Variants in GOLGA2 observed in about 807,000 individuals in gnomAD.
GOLGA2 encodes golgin subfamily A member 2.
Under a neutral mutation model 148.8 loss-of-function variants are expected in GOLGA2, and 49 were observed. That is an observed-to-expected ratio of 0.33 (90% CI 0.26 to 0.42). GOLGA2 has a LOEUF of 0.42. GOLGA2 is among the 10% of genes least tolerant of loss of function. The probability of loss-of-function intolerance (pLI) is 1.00; values close to 1 mark genes in which losing one functional copy is unlikely to be tolerated. For synonymous variants in GOLGA2, 501 were observed against 511.8 expected (o/e 0.98, Z 0.28); for missense variants, 1,178 against 1,304.6 (o/e 0.90, Z 1.49).
chr9:128,259,039 G>T lies in GOLGA2; in HGVS notation c.2141C>A (p.Ala714Asp), dbSNP rs2131335539. Residue 714 changes from alanine (A) to aspartate (D), a missense_variant, in exon 21 of 27, where the codon GCC (alanine) becomes GAC (aspartate). By Grantham distance (126) the Ala-to-Asp change is moderately radical. Around this residue, in one of 5 missense-constraint regions of GOLGA2, gnomAD observed 529 missense variants for 521.8 expected, o/e 1.01. Coordinates refer to ENST00000611957, the MANE Select transcript of GOLGA2 (RefSeq NM_001366244.2). ...AATQQNQQLR[A>D]QLSLMAHPGE... ...AGGGTGAGCCATGAGGCTCAACTGG[G>T]CCCGTAGCTGCTGATTCTGCTGGGT... 6.2e-7 allele frequency: 1 copy of T among 1,609,846 alleles called. No homozygotes were observed.
chr9:128,273,690 C>T (rs981770539), intron 2 of GOLGA2, 160 bp downstream of exon 2: 2 of 858,204 alleles, frequency 2.3e-6, no homozygotes, highest in Non-Finnish European at 3.6e-6. Context: ...CCAAAAAGCT[C>T]AAGCAATTTG....
In GOLGA2 at chr9:128,260,986, T is replaced by TC. The variant is rs1405612799; in HGVS notation, c.1420+185dup. On this transcript the variant is annotated intron_variant, in intron 17 of 26. Transcript: ENST00000611957. The surrounding 1 kb of genome is among the most constrained non-coding windows in gnomAD (Gnocchi z 4.8). Reference sequence around the variant, plus strand: ...ACTGTGGGTGGCTGACAACGGGCACTCCTTCGTCTTTGCTGATGGGGCACT... The same window carrying TC: ...ACTGTGGGTGGCTGACAACGGGCACTCCCTTCGTCTTTGCTGATGGGGCACT... 2.9e-5 allele frequency: 19 copies of TC among 661,808 alleles called. No homozygotes were observed. The South Asian group carries it at 3.1e-4, about 11-fold the overall frequency. 41.0% of individuals were successfully genotyped at this position (661,808 alleles called of 1,614,324 possible). A position where few individuals can be genotyped will look rare whatever the true frequency, so the allele number is the denominator to read the frequency against.
chr9:128,267,347 G>A lies in GOLGA2; in HGVS notation c.562-73C>T, dbSNP rs1830653604. The A allele has an allele frequency of 5.1e-6, 7 of 1,380,846 alleles. No homozygotes were observed. The East Asian group carries it at 1.6e-4, about 32-fold the overall frequency. 85.5% of individuals were successfully genotyped at this position (1,380,846 alleles called of 1,614,324 possible). On this transcript the variant is annotated intron_variant, in intron 7 of 26. Transcript: ENST00000611957. Reference sequence around the variant, plus strand: ...GGTAGAGAGAGCAATCATTAGGGTTGGGGGGTGTGTGGGCTGTCTCAGCTG... The same window carrying A: ...GGTAGAGAGAGCAATCATTAGGGTTAGGGGGTGTGTGGGCTGTCTCAGCTG...
chr9:128,263,975 T>G, intron 12 of GOLGA2, among the ~76,000 whole-genome samples: 1 of 139,212 alleles, frequency 7.2e-6, no homozygotes. Flanking sequence ...GCTAACACGG[T>G]GAAACCCCAT....
chr9:128,259,188 G>A lies in GOLGA2; in HGVS notation c.2076C>T (p.Arg692=), dbSNP rs1830096432. ...AQGKAVAEMA[R]QELQETQERL... Reference sequence around the variant, plus strand: ...TCACCTGGGTTTCCTGCAACTCTTGGCGGGCCATCTCGGCCACCGCTTTGC... The same window carrying A: ...TCACCTGGGTTTCCTGCAACTCTTGACGGGCCATCTCGGCCACCGCTTTGC... The change falls in exon 20 of 27, where the codon CGC becomes CGT. Residue 692 remains arginine (R), a synonymous_variant. Transcript: ENST00000611957. The A allele has an allele frequency of 6.3e-7, 1 of 1,590,856 alleles. No individual in the cohort carries two copies. Among genetic ancestry groups the A allele is most frequent in the African/African-American group, 1.3e-5 (1 of 74,606 alleles).
In GOLGA2 at chr9:128,260,988, C is replaced by T; in HGVS notation, c.1420+184G>A. ...TGTGGGTGGCTGACAACGGGCACTCCTTCGTCTTTGCTGATGGGGCACTGA... is the reference window on the plus strand; with the variant it reads ...TGTGGGTGGCTGACAACGGGCACTCTTTCGTCTTTGCTGATGGGGCACTGA... On this transcript the variant is annotated intron_variant, in intron 17 of 26. Transcript: ENST00000611957. This position sits in a 1 kb window ranked among gnomAD's most constrained non-coding sequence, Gnocchi z 4.8. 4.5e-6 allele frequency: 3 copies of T among 666,222 alleles called. No homozygotes were observed. The South Asian group carries it at 5.5e-5, about 12-fold the overall frequency. The allele number at this position is 666,222 out of a possible 1,614,324, so 41.3% of individuals were successfully genotyped here. A position where few individuals can be genotyped will look rare whatever the true frequency, so the allele number is the denominator to read the frequency against.
At chr9:128,268,254 T>C in intron 4 of GOLGA2, 94 bp from the exon 5 acceptor site, 9 of 1,233,296 alleles carry the variant, frequency 7.3e-6, no homozygotes, top group Non-Finnish European at 1.1e-5. Context: ...ATTCTAACAA[T>C]CTTCAATCTC....
chr9:128,257,089 T>C lies in GOLGA2; in HGVS notation c.3068A>G (p.Glu1023Gly). ...PFFYRADENDEVKITVI is the reference protein window; with the variant it reads ...PFFYRADENDGVKITVI ...CTTTTAGATGACAGTGATCTTCACC[T>C]CATCATTCTCGTCAGCCCGGTAAAA... The change falls in exon 27 of 27, where the codon GAG (glutamate) becomes GGG (glycine). Residue 1023 changes from glutamate (E) to glycine (G), a missense_variant. Glu to Gly is a moderately conservative substitution (Grantham distance 98). Coordinates refer to ENST00000611957, the MANE Select transcript of GOLGA2 (RefSeq NM_001366244.2). The surrounding 1 kb of genome is among the most constrained non-coding windows in gnomAD (Gnocchi z 8.0). 3 of 1,613,606 alleles carry C rather than the reference T, an allele frequency of 1.9e-6. No individual in the cohort carries two copies. Among genetic ancestry groups the C allele is most frequent in the Non-Finnish European group, 2.5e-6 (3 of 1,179,614 alleles).
intron 2 of GOLGA2, 77 bp from the exon 3 acceptor site, chr9:128,272,942 G>A (rs1831051652): frequency 8.6e-6 from 4 of 464,694 alleles, no homozygotes; most frequent in South Asian, 6.9e-5. Context: ...AAGAAAGTCA[G>A]GGAAGGAGGA....
At chr9:128,272,154 T>C (rs565295255) in intron 3 of GOLGA2, among the ~76,000 whole-genome samples, 1 of 150,704 alleles carries the variant, frequency 6.6e-6, no homozygotes, top group African/African-American at 2.4e-5. Context: ...TCTCCTAGTC[T>C]GAGAGTACCC....
intron 12 of GOLGA2, among the ~76,000 whole-genome samples, chr9:128,264,410 A>ATTATTTAT (rs145554370): frequency 4.4e-4 from 64 of 146,314 alleles, no homozygotes; most frequent in African/African-American, 7.3e-4. Flanking sequence ...AATTTTTGTT[A>ATTATTTAT]TTATTTATTT....
chr9:128,263,727 T>A (rs184439004), intron 12 of GOLGA2, among the ~76,000 whole-genome samples: 1 of 151,980 alleles, frequency 6.6e-6, no homozygotes, highest in East Asian at 1.9e-4. Flanking sequence ...CTAATTTTTT[T>A]ATTTTTAATA....
rs760422757 is a variant in GOLGA2, at chr9:128,259,244, C to A, written c.2020G>T (p.Val674Leu). 1 of 1,600,130 alleles carries A rather than the reference C, an allele frequency of 6.2e-7. No homozygotes were observed. Among genetic ancestry groups the A allele is most frequent in the Non-Finnish European group, 8.5e-7 (1 of 1,173,606 alleles). ...GCTTCCTGCTGCTGCAGCTGGTCCA[C>A]GAGCTGGGTCTGCAGCAGTAGCTGA... ...HNQLLLQTQL[V>L]DQLQQQEAQG... is the part of the protein sequence containing the mutation. The change falls in exon 20 of 27, where the codon GTG (valine) becomes TTG (leucine). Residue 674 changes from valine (V) to leucine (L), a missense_variant. Physicochemically the swap from Val to Leu is conservative, Grantham distance 32. Transcript: ENST00000611957.
In GOLGA2 at chr9:128,261,794, G is replaced by A. The variant is rs1462345478; in HGVS notation, c.1135-37C>T. ...AGAGCGAGAAGTTTAGATCTGGGGA[G>A]CCCAGGCCGTTCCAAATAGTGCCCC... is the stretch of plus-strand genomic sequence containing the variant. On this transcript the variant is annotated intron_variant, in intron 14 of 26. Transcript: ENST00000611957. This position sits in a 1 kb window ranked among gnomAD's most constrained non-coding sequence, Gnocchi z 5.7. The A allele has an allele frequency of 2.1e-6, 3 of 1,422,606 alleles. No homozygotes were observed. The highest frequency in any genetic ancestry group is 3.0e-6 in the Non-Finnish European group (3 of 1,005,506). The allele number at this position is 1,422,606 out of a possible 1,614,324, so 88.1% of individuals were successfully genotyped here. A position where few individuals can be genotyped will look rare whatever the true frequency, so the allele number is the denominator to read the frequency against.
chr9:128,275,625 A>T, intron 1 of GOLGA2: 1 of 691,466 alleles, frequency 1.4e-6, no homozygotes, highest in Non-Finnish European at 2.2e-6. Flanking sequence ...GGGAGGTCGG[A>T]CTTCGGGGGG....
chr9:128,273,735 G>T, intron 2 of GOLGA2, 115 bp downstream of exon 2: 1 of 1,315,500 alleles, frequency 7.6e-7, no homozygotes, highest in Non-Finnish European at 1.1e-6. Context: ...GGACAGGTAG[G>T]ATACAAACCC....
In GOLGA2 at chr9:128,257,013, G is replaced by A; in HGVS notation, c.*54C>T. On this transcript the variant is annotated 3_prime_UTR_variant, in exon 27 of 27. Transcript: ENST00000611957. The surrounding 1 kb of genome is among the most constrained non-coding windows in gnomAD (Gnocchi z 8.0). ...TGAGAAGGGATGGTAGGGATATGGTGGGGGCAGGGTATCCAGCCCCACTTC... is the reference window on the plus strand; with the variant it reads ...TGAGAAGGGATGGTAGGGATATGGTAGGGGCAGGGTATCCAGCCCCACTTC... 7.8e-7 allele frequency: 1 copy of A among 1,288,778 alleles called. No individual in the cohort carries two copies. Among genetic ancestry groups the A allele is most frequent in the Non-Finnish European group, 1.1e-6 (1 of 897,280 alleles). The allele number at this position is 1,288,778 out of a possible 1,614,324, so 79.8% of individuals were successfully genotyped here. A position where few individuals can be genotyped will look rare whatever the true frequency, so the allele number is the denominator to read the frequency against.
Position 128,260,003 on chromosome 9 carries a change from C to G in GOLGA2, c.1872+73G>C. 3.8e-6 allele frequency: 4 copies of G among 1,055,996 alleles called. No homozygotes were observed. The allele number at this position is 1,055,996 out of a possible 1,614,324, so 65.4% of individuals were successfully genotyped here. A position where few individuals can be genotyped will look rare whatever the true frequency, so the allele number is the denominator to read the frequency against. On this transcript the variant is annotated intron_variant, in intron 19 of 26. Coordinates refer to ENST00000611957, the MANE Select transcript of GOLGA2 (RefSeq NM_001366244.2). This position sits in a 1 kb window ranked among gnomAD's most constrained non-coding sequence, Gnocchi z 4.8. The stretch of plus-strand genomic sequence containing the variant: ...CACCTGTGCCCCAGGCTGGAGCTGC[C>G]TCTGGCCTCACACCACCCCTCCCCA...
At chr9:128,275,802 T>A (rs549197155) in intron 1 of GOLGA2, 91 bp downstream of exon 1, 271 of 698,006 alleles carry the variant, frequency 3.9e-4, no homozygotes, top group South Asian at 5.7e-4. Flanking sequence ...CAGCCCGGTG[T>A]GCCTCAGGAG....
Sources: allele counts gnomAD v4.1 joint callset (sites outside exome capture counted in the v4.1 genomes callset), GRCh38; gene constraint gnomAD v4.1.1; regional missense constraint gnomAD v4.1.1; non-coding constraint Gnocchi (gnomAD v3.1); transcripts MANE v1.5; gene names NCBI Gene and HGNC (gene_info 2026-07-23, HGNC 2026-07-21).